The following MAPT variants were observed in gnomAD, a reference collection of about 807,000 sequenced individuals.
MAPT encodes the protein microtubule-associated protein tau.
In MAPT, 34 loss-of-function variants were observed where a neutral mutation model predicts 67.9. That is an observed-to-expected ratio of 0.50 (90% CI 0.38 to 0.67). The LOEUF (loss-of-function observed/expected upper bound fraction) is 0.67. Among genes scored for constraint, MAPT ranks in the 30% least tolerant of loss-of-function variants. MAPT has a pLI of 0.00. For missense variants in MAPT, 881 were observed against 1,115.2 expected (o/e 0.79, Z 2.99); for synonymous variants, 456 against 464.5 (o/e 0.98, Z 0.23).
intron 12 of MAPT, among the ~76,000 whole-genome samples, chr17:46,021,736 C>G (rs541120371): frequency 1.3e-5 from 2 of 152,184 alleles, no homozygotes; most frequent in East Asian, 1.9e-4. Flanking sequence ...CTCTAAGAAC[C>G]TGAGTTAGAG....
At chr17:45,923,803 G>A (rs893380809) in intron 1 of MAPT, among the ~76,000 whole-genome samples, 1 of 152,186 alleles carries the variant, frequency 6.6e-6, no homozygotes, top group Non-Finnish European at 1.5e-5. Flanking sequence ...CTAGAGCCAG[G>A]CAGCCTGGGT....
chr17:45,919,891 T>G (rs2065533132), intron 1 of MAPT, among the ~76,000 whole-genome samples: 1 of 152,148 alleles, frequency 6.6e-6, no homozygotes, highest in African/African-American at 2.4e-5. Context: ...CCAGCCTGAG[T>G]AACAGAATGA....
Position 46,010,759 on chromosome 17 carries a change from C to T in MAPT, c.2091+357C>T, listed in dbSNP as rs1247490167. On this transcript the variant is annotated intron_variant, in intron 10 of 12. Coordinates refer to ENST00000262410, the MANE Select transcript of MAPT (RefSeq NM_001377265.1). This position sits in a 1 kb window ranked among gnomAD's most constrained non-coding sequence, Gnocchi z 4.7. ...TTCCACTCATGCCCAGCCCTGTCCC[C>T]AGGAGCCCCATAGCCCATTGGAAGT... Among the ~76,000 whole-genome samples, 1 of 152,246 alleles carries T rather than the reference C, an allele frequency of 6.6e-6. No individual in the cohort carries two copies. The highest frequency in any genetic ancestry group is 1.5e-5 in the Non-Finnish European group (1 of 68,044).
chr17:45,946,615 A>ATATATATATAT (rs1555692455), intron 1 of MAPT, among the ~76,000 whole-genome samples: 2 of 100,408 alleles, frequency 2.0e-5, no homozygotes, highest in Admixed American at 1.1e-4. Flanking sequence ...AAAAAAAAAA[A>ATATATATATAT]ATATATATAT....
At chr17:46,000,302 G>T (rs1483348907) in intron 9 of MAPT, among the ~76,000 whole-genome samples, 1 of 152,150 alleles carries the variant, frequency 6.6e-6, no homozygotes, top group Non-Finnish European at 1.5e-5. Flanking sequence ...TTTCTTCTTT[G>T]TGCTTTTCTC....
At position 45,978,427 on chromosome 17, in the gene MAPT, T is replaced by C. The variant is rs141556635; in HGVS notation, c.273T>C (p.Gly91=). The change falls in exon 4 of 13, where the codon GGT becomes GGC. Residue 91 remains glycine, a synonymous_variant. Transcript: ENST00000262410. ...DTPSLEDEAA[G]HVTQEELRVP... ...CCAGCCTGGAAGACGAAGCTGCTGG[T>C]CACGTGACCCAAGGTCAGTGAACTG... is the stretch of plus-strand genomic sequence containing the variant. 2.6e-5 allele frequency: 42 copies of C among 1,603,946 alleles called. No individual in the cohort carries two copies. In the African/African-American group the frequency reaches 5.6e-4, roughly 21 times the overall value.
At chr17:45,950,663 T>A (rs958638097) in intron 1 of MAPT, among the ~76,000 whole-genome samples, 6 of 152,080 alleles carry the variant, frequency 3.9e-5, no homozygotes, top group African/African-American at 1.4e-4. Flanking sequence ...AAAATTTTAT[T>A]TATTTATTTA....
At chr17:45,976,448 TC>T (rs1252018172) in intron 3 of MAPT, 1 of 152,228 alleles carries the variant, frequency 6.6e-6, no homozygotes. Context: ...CTTTACATCC[TC>T]CATGTGGTGG....
intron 1 of MAPT, among the ~76,000 whole-genome samples, chr17:45,909,663 G>T (rs1480405661): frequency 6.6e-6 from 1 of 152,110 alleles, no homozygotes; most frequent in Non-Finnish European, 1.5e-5. Context: ...CTGAGGTCAG[G>T]AGTTTGAGAC....
intron 4 of MAPT, chr17:45,978,693 G>T: frequency 1.9e-6 from 1 of 513,448 alleles, no homozygotes; most frequent in Non-Finnish European, 3.5e-6. Flanking sequence ...CAGCCTGGGA[G>T]TTGAGAATGA....
chr17:45,968,163 A>G (rs1286243672), intron 2 of MAPT, among the ~76,000 whole-genome samples: 1 of 152,126 alleles, frequency 6.6e-6, no homozygotes, highest in East Asian at 1.9e-4. Flanking sequence ...TGAACTGACA[A>G]TGATCTTTTC....
chr17:45,930,410 A>AC, intron 1 of MAPT, among the ~76,000 whole-genome samples: 1 of 111,372 alleles, frequency 9.0e-6, no homozygotes, highest in South Asian at 2.4e-4. Flanking sequence ...CTGTCTCCAA[A>AC]AAAAAAAAAA....
rs769454387 is a variant in MAPT, at chr17:46,014,317, T to C, written c.2166T>C (p.His722=). ...GTGGCTCATTAGGCAACATCCATCA[T>C]AAACCAGGTAGCCCTGTGGAAGGTG... is the stretch of plus-strand genomic sequence containing the variant. The part of the protein sequence containing the change: ...SKCGSLGNIH[H]KPGGGQVEVK... The change falls in exon 11 of 13, where the codon CAT becomes CAC. Residue 722 remains histidine, a synonymous_variant. Coordinates refer to ENST00000262410, the MANE Select transcript of MAPT (RefSeq NM_001377265.1). 6.2e-7 allele frequency: 1 copy of C among 1,611,790 alleles called. No individual in the cohort carries two copies. Among genetic ancestry groups the C allele is most frequent in the South Asian group, 1.1e-5 (1 of 91,026 alleles).
At chr17:46,006,089 G>A (rs2075388974) in intron 9 of MAPT, among the ~76,000 whole-genome samples, 2 of 152,194 alleles carry the variant, frequency 1.3e-5, no homozygotes, top group Admixed American at 6.5e-5. Flanking sequence ...ACCAGAGAAG[G>A]AATTACAAAG....
intron 10 of MAPT, among the ~76,000 whole-genome samples, chr17:46,011,123 G>C (rs2075792280): frequency 6.6e-6 from 1 of 152,242 alleles, no homozygotes; most frequent in Admixed American, 6.5e-5. Context: ...CTTGCCAGGA[G>C]TGGTGGCTCG....
chr17:45,978,345 C>T (rs1347806400), intron 3 of MAPT, 30 bp from the exon 4 acceptor site: 4 of 1,573,186 alleles, frequency 2.5e-6, no homozygotes, highest in African/African-American at 1.3e-5. Context: ...CTTGCTTTTA[C>T]CCCCCTTCAT....
chr17:45,982,918 C>T lies in MAPT; in HGVS notation c.339C>T (p.Ala113=). 7.4e-7 allele frequency: 1 copy of T among 1,359,312 alleles called. No homozygotes were observed. The highest frequency in any genetic ancestry group is 9.5e-7 in the Non-Finnish European group (1 of 1,057,406). The allele number at this position is 1,359,312 out of a possible 1,614,324, so 84.2% of individuals were successfully genotyped here. A position where few individuals can be genotyped will look rare whatever the true frequency, so the allele number is the denominator to read the frequency against. The change falls in exon 5 of 13, where the codon GCC becomes GCT. Residue 113 remains alanine, a synonymous_variant. Coordinates refer to ENST00000262410, the MANE Select transcript of MAPT (RefSeq NM_001377265.1). ...GGAAGGCGCCTGAAAGGCCCCTGGC[C>T]AATGAGATTAGCGCCCACGTCCAGC... ...RQRKAPERPL[A]NEISAHVQPG... is the part of the protein sequence containing the mutation.
intron 3 of MAPT, among the ~76,000 whole-genome samples, chr17:45,972,343 C>T (rs1281554529): frequency 6.6e-6 from 1 of 152,182 alleles, no homozygotes; most frequent in Non-Finnish European, 1.5e-5. Context: ...GTTTAGTATC[C>T]TTCATTTTGG....
At chr17:45,944,971 T>G (rs2144993029) in intron 1 of MAPT, among the ~76,000 whole-genome samples, 1 of 152,248 alleles carries the variant, frequency 6.6e-6, no homozygotes, top group African/African-American at 2.4e-5. Context: ...CTCTCCTCAC[T>G]CTCTCTGGGT....
Sources: gnomAD v4.1 joint callset for allele counts (sites outside exome capture counted in the v4.1 genomes callset) on GRCh38, gnomAD v4.1.1 for gene constraint, Gnocchi (gnomAD v3.1) non-coding constraint, MANE v1.5 for transcripts, NCBI Gene and HGNC (gene_info 2026-07-23, HGNC 2026-07-21) for gene names.